Variants in MRE11 observed in about 807,000 individuals in gnomAD.
The protein encoded by MRE11 is MRE11 double strand break repair nuclease, also known as double-strand break repair protein MRE11.
In MRE11, 62 loss-of-function variants were observed where a neutral mutation model predicts 91.7. That is an observed-to-expected ratio of 0.68 (90% CI 0.55 to 0.84). The LOEUF (loss-of-function observed/expected upper bound fraction) is 0.84. MRE11 is among the 40% of genes least tolerant of loss of function. MRE11 has a pLI of 0.00. For synonymous variants in MRE11, 273 were observed against 271.4 expected, an observed-to-expected ratio of 1.01 and a Z score of -0.06; for missense variants, 796 against 852.9, an observed-to-expected ratio of 0.93 and a Z score of 0.83.
intron 19 of MRE11, among the ~76,000 whole-genome samples, chr11:94,422,204 T>C (rs1945188798): frequency 6.6e-6 from 1 of 152,182 alleles, no homozygotes; most frequent in African/African-American, 2.4e-5. Flanking sequence ...TGTAGTTTTA[T>C]TTAAACTTAA....
intron 14 of MRE11, among the ~76,000 whole-genome samples, chr11:94,453,814 G>C (rs981306370): frequency 6.6e-6 from 1 of 151,810 alleles, no homozygotes; most frequent in African/African-American, 2.4e-5. Flanking sequence ...TTTGAAAGAG[G>C]GTATCAACCC....
At chr11:94,484,528 A>G (rs1256284981) in intron 4 of MRE11, among the ~76,000 whole-genome samples, 1 of 152,214 alleles carries the variant, frequency 6.6e-6, no homozygotes, top group Non-Finnish European at 1.5e-5. Context: ...TTTGAGAGTA[A>G]GCTGGACTCA....
chr11:94,477,859 G>A (rs1456558584), intron 6 of MRE11, among the ~76,000 whole-genome samples: 2 of 152,172 alleles, frequency 1.3e-5, no homozygotes, highest in East Asian at 3.8e-4. Flanking sequence ...GGAGAACAGT[G>A]ATCCCCGCTT....
chr11:94,449,742 C>T (rs603937), intron 14 of MRE11, among the ~76,000 whole-genome samples: 35,790 of 152,146 alleles, frequency 0.24, 4,406 homozygotes, highest in East Asian at 0.32. Context: ...AGGAGATAGC[C>T]TATTGCTCCT....
At chr11:94,451,831 T>C (rs1322513288) in intron 14 of MRE11, among the ~76,000 whole-genome samples, 1 of 152,202 alleles carries the variant, frequency 6.6e-6, no homozygotes, top group Admixed American at 6.5e-5. Flanking sequence ...TATTACTATG[T>C]GTATATATCC....
chr11:94,487,375 A>C (rs187403998), intron 3 of MRE11, among the ~76,000 whole-genome samples: 2 of 152,246 alleles, frequency 1.3e-5, no homozygotes, highest in African/African-American at 4.8e-5. Flanking sequence ...ATTCTTGCCG[A>C]AAGTGCAGAA....
chr11:94,477,978 T>C (rs1279936270), intron 6 of MRE11, among the ~76,000 whole-genome samples: 1 of 152,126 alleles, frequency 6.6e-6, no homozygotes, highest in Non-Finnish European at 1.5e-5. Context: ...GAGAAGAGAC[T>C]GATAATAATG....
chr11:94,423,642 T>C (rs1008618790), intron 19 of MRE11, among the ~76,000 whole-genome samples: 1 of 152,214 alleles, frequency 6.6e-6, no homozygotes, highest in Non-Finnish European at 1.5e-5. Context: ...CCTGCAGGAA[T>C]GTGTGCACAG....
intron 16 of MRE11, among the ~76,000 whole-genome samples, chr11:94,441,405 C>T (rs1341649017): frequency 6.6e-6 from 1 of 152,172 alleles, no homozygotes; most frequent in Non-Finnish European, 1.5e-5. Context: ...AAACGTGAAT[C>T]TTCTCTGAAG....
At chr11:94,494,317 GC>G (rs1304430273), upstream of MRE11, 15 of 152,406 alleles carry the variant, frequency 9.8e-5, no homozygotes, top group African/African-American at 3.6e-4. Context: ...TACAGGTGTC[GC>G]CCCTAGGTCC....
chr11:94,457,018 C>G (rs1946268007), intron 13 of MRE11, among the ~76,000 whole-genome samples: 1 of 152,050 alleles, frequency 6.6e-6, no homozygotes, highest in South Asian at 2.1e-4. Context: ...ACAAAACAGA[C>G]AAAAAGCTGC....
In MRE11 at chr11:94,470,615, C is replaced by T. The variant is rs773384135; in HGVS notation, c.873G>A (p.Gly291=). The change falls in exon 9 of 20, where the codon GGG becomes GGA. Residue 291 remains glycine (G), a synonymous_variant. Coordinates refer to ENST00000323929, the MANE Select transcript of MRE11 (RefSeq NM_005591.4). ...GAATTTTATGCATATTCATCTTCCT[C>T]CCTTTAATACGCAGCAAACCAACAT... ...KKHVGLLRIK[G]RKMNMHKIPL... 4 of 1,613,066 alleles carry T rather than the reference C, an allele frequency of 2.5e-6. No homozygotes were observed. Among genetic ancestry groups the T allele is most frequent in the Non-Finnish European group, 3.4e-6 (4 of 1,179,314 alleles).
chr11:94,482,362 T>C lies in MRE11; in HGVS notation c.315-2601A>G, dbSNP rs115320714. 7.5e-3 allele frequency among the ~76,000 whole-genome samples: 1,148 copies of C among 152,314 alleles called. 12 individuals are homozygous for C. Among genetic ancestry groups the C allele is most frequent in the African/African-American group, 0.025 (1,049 of 41,554 alleles). On this transcript the variant is annotated intron_variant, in intron 4 of 19. Transcript: ENST00000323929. ...TCCAGCTGTTTTATACCGGAACCCA[T>C]GCTCTTAATCACTATGCTAAACTTT...
chr11:94,469,212 C>A (rs954207887), intron 9 of MRE11, among the ~76,000 whole-genome samples: 1 of 152,162 alleles, frequency 6.6e-6, no homozygotes, highest in Non-Finnish European at 1.5e-5. Flanking sequence ...GAAGTTCATA[C>A]AGTAGACCTC....
At chr11:94,432,158 C>T (rs1945477635) in intron 18 of MRE11, among the ~76,000 whole-genome samples, 1 of 152,144 alleles carries the variant, frequency 6.6e-6, no homozygotes, top group South Asian at 2.1e-4. Flanking sequence ...CCAAAGGAGT[C>T]CTGTTAAATA....
At chr11:94,501,343 A>G in the MRE11 span, among the ~76,000 whole-genome samples, 6 of 152,194 alleles carry the variant, frequency 3.9e-5, no homozygotes, top group Non-Finnish European at 8.8e-5. Flanking sequence ...GATACCTCAT[A>G]TAAGAGGACT....
upstream of MRE11, chr11:94,498,105 C>G: frequency 6.2e-7 from 1 of 1,612,866 alleles, no homozygotes; most frequent in African/African-American, 1.3e-5. Flanking sequence ...TCTGAAAAGG[C>G]CACTCACGTG....
chr11:94,480,235 T>C (rs1198170409), intron 4 of MRE11, among the ~76,000 whole-genome samples: 1 of 152,184 alleles, frequency 6.6e-6, no homozygotes, highest in Non-Finnish European at 1.5e-5. Flanking sequence ...GCAAATAATG[T>C]TAGCAATTTC....
intron 19 of MRE11, among the ~76,000 whole-genome samples, chr11:94,423,489 T>A (rs1359141598): frequency 6.6e-6 from 1 of 152,152 alleles, no homozygotes; most frequent in Non-Finnish European, 1.5e-5. Context: ...CCCTAAGACT[T>A]CTTATTTCCC....
Sources: gnomAD v4.1 joint callset for allele counts (sites outside exome capture counted in the v4.1 genomes callset) on GRCh38, gnomAD v4.1.1 for gene constraint, MANE v1.5 for transcripts, NCBI Gene and HGNC (gene_info 2026-07-23, HGNC 2026-07-21) for gene names.